The following ST8SIA1 variants were observed in gnomAD, a reference collection of about 807,000 sequenced individuals.
ST8SIA1 encodes ST8 alpha-N-acetyl-neuraminide alpha-2,8-sialyltransferase 1.
Under a neutral mutation model 35.9 loss-of-function variants are expected in ST8SIA1, and 16 were observed. That is an observed-to-expected ratio of 0.45 (90% CI 0.30 to 0.68). ST8SIA1 has a LOEUF of 0.68. Among genes scored for constraint, ST8SIA1 ranks in the 30% least tolerant of loss-of-function variants. The probability of loss-of-function intolerance (pLI) is 0.09; values close to 1 mark genes in which losing one functional copy is unlikely to be tolerated. For synonymous variants in ST8SIA1, 170 were observed against 169.6 expected (o/e 1.00, Z -0.02); for missense variants, 383 against 453.6 (o/e 0.84, Z 1.41).
At chr12:22,277,196 T>C (rs74070108) in intron 2 of ST8SIA1, among the ~76,000 whole-genome samples, 14,094 of 152,100 alleles carry the variant, frequency 0.093, 805 homozygotes, top group East Asian at 0.15. Flanking sequence ...GAGTTTTCTC[T>C]GTGAATGCTG....
chr12:22,269,926 A>G (rs755487026), intron 2 of ST8SIA1, among the ~76,000 whole-genome samples: 1 of 152,212 alleles, frequency 6.6e-6, no homozygotes, highest in African/African-American at 2.4e-5. Context: ...TGTTAGGTTT[A>G]AACAATTTGG....
At chr12:22,267,989 A>G (rs991350123) in intron 2 of ST8SIA1, among the ~76,000 whole-genome samples, 5 of 152,176 alleles carry the variant, frequency 3.3e-5, no homozygotes, top group African/African-American at 1.2e-4. Flanking sequence ...CGTCTCACTA[A>G]GCAGACATTC....
Position 22,334,430 on chromosome 12 carries a change from G to A in ST8SIA1, c.-198C>T. 1.7e-6 allele frequency: 1 copy of A among 597,160 alleles called. No individual in the cohort carries two copies. The highest frequency in any genetic ancestry group is 2.0e-5 in the South Asian group (1 of 49,200). 37.0% of individuals were successfully genotyped at this position (597,160 alleles called of 1,614,324 possible). Reference sequence around the variant, plus strand: ...ATTTTTTCAAATGCAACTTTTCCAAGGATTTCTTTCTAGGGGAAGTGGCTG... The same window carrying A: ...ATTTTTTCAAATGCAACTTTTCCAAAGATTTCTTTCTAGGGGAAGTGGCTG... On this transcript the variant is annotated 5_prime_UTR_variant, in exon 1 of 5. Transcript: ENST00000396037.
intron 3 of ST8SIA1, among the ~76,000 whole-genome samples, chr12:22,249,732 A>T (rs1158220734): frequency 6.6e-6 from 1 of 152,186 alleles, no homozygotes; most frequent in Non-Finnish European, 1.5e-5. Context: ...CATTCAAAAT[A>T]TTTTTGAGAG....
intron 1 of ST8SIA1, among the ~76,000 whole-genome samples, chr12:22,319,167 A>T (rs546565809): frequency 6.6e-6 from 1 of 152,228 alleles, no homozygotes; most frequent in Non-Finnish European, 1.5e-5. Flanking sequence ...TTAAATGATA[A>T]GACTGTGTAG....
chr12:22,221,936 T>C (rs957727171), intron 4 of ST8SIA1, among the ~76,000 whole-genome samples: 3 of 152,148 alleles, frequency 2.0e-5, no homozygotes, highest in Admixed American at 6.6e-5. Context: ...CTCTAAAATA[T>C]GGCTAATACC....
chr12:22,325,453 G>A (rs1178442247), intron 1 of ST8SIA1: 16 of 701,880 alleles, frequency 2.3e-5, no homozygotes, highest in Non-Finnish European at 3.9e-5. Context: ...CTCATGCAAT[G>A]CCACAGCTAG....
chr12:22,332,493 T>C (rs1866780373), intron 1 of ST8SIA1, among the ~76,000 whole-genome samples: 1 of 152,184 alleles, frequency 6.6e-6, no homozygotes, highest in African/African-American at 2.4e-5. Context: ...TGAAAGTGCT[T>C]TCTGTCTTTA....
chr12:22,296,403 G>T, intron 1 of ST8SIA1, among the ~76,000 whole-genome samples: 1 of 152,148 alleles, frequency 6.6e-6, no homozygotes, highest in East Asian at 1.9e-4. Flanking sequence ...AAATCTTCCA[G>T]TGGATGCCTG....
intron 4 of ST8SIA1, among the ~76,000 whole-genome samples, chr12:22,230,040 T>C (rs2120689703): frequency 6.6e-6 from 1 of 152,382 alleles, no homozygotes; most frequent in East Asian, 1.9e-4. Context: ...CGGTAACCAC[T>C]AGTTTCATTC....
At chr12:22,240,966 T>C (rs978373064) in intron 4 of ST8SIA1, among the ~76,000 whole-genome samples, 1 of 149,280 alleles carries the variant, frequency 6.7e-6, no homozygotes, top group African/African-American at 2.5e-5. Context: ...TGTTTCCTAG[T>C]TCATGCCAAC....
intron 1 of ST8SIA1, among the ~76,000 whole-genome samples, chr12:22,307,246 G>A (rs1866397132): frequency 6.6e-6 from 1 of 151,986 alleles, no homozygotes; most frequent in Non-Finnish European, 1.5e-5. Flanking sequence ...CCAAGCGCTG[G>A]GCTTCATCAG....
intron 4 of ST8SIA1, among the ~76,000 whole-genome samples, chr12:22,206,583 T>G (rs1387913272): frequency 6.6e-6 from 1 of 152,192 alleles, no homozygotes. Context: ...CAGTCAGGCT[T>G]GTAGTTCCCA....
intron 4 of ST8SIA1, among the ~76,000 whole-genome samples, chr12:22,209,989 T>C (rs1235615406): frequency 6.6e-6 from 1 of 152,180 alleles, no homozygotes; most frequent in Non-Finnish European, 1.5e-5. Context: ...TAAATATCCA[T>C]GAATGTCTGC....
intron 4 of ST8SIA1, among the ~76,000 whole-genome samples, chr12:22,207,785 A>G (rs1865129502): frequency 6.6e-6 from 1 of 152,190 alleles, no homozygotes; most frequent in African/African-American, 2.4e-5. Flanking sequence ...CTACAGATAG[A>G]AATTCACAAG....
chr12:22,277,659 G>A (rs753749051), intron 2 of ST8SIA1, among the ~76,000 whole-genome samples: 4 of 152,076 alleles, frequency 2.6e-5, no homozygotes, highest in Non-Finnish European at 5.9e-5. Context: ...GAGCCACCGC[G>A]CCTGTCTGTG....
At position 22,284,749 on chromosome 12, in the gene ST8SIA1, T is replaced by G. The variant is rs530218602; in HGVS notation, c.381+2400A>C. ...AAGGATGTTTCCTTGGTCTTGCAAC[T>G]GGCACAAAGAGGCACAGAATTCATT... On this transcript the variant is annotated intron_variant, in intron 2 of 4. Coordinates refer to ENST00000396037, the MANE Select transcript of ST8SIA1 (RefSeq NM_003034.4). Among the ~76,000 whole-genome samples, 6 of 152,360 alleles carry G rather than the reference T, an allele frequency of 3.9e-5. No individual in the cohort carries two copies. In the East Asian group the frequency reaches 9.6e-4, roughly 25 times the overall value.
At chr12:22,297,803 C>T (rs74068551) in intron 1 of ST8SIA1, among the ~76,000 whole-genome samples, 4,097 of 152,110 alleles carry the variant, frequency 0.027, 199 homozygotes, top group African/African-American at 0.093. Context: ...TTAAAATCCT[C>T]GGAAACTCAA....
intron 2 of ST8SIA1, 64 bp from the exon 3 acceptor site, chr12:22,255,453 G>A (rs1226426848): frequency 1.8e-5 from 24 of 1,339,358 alleles, no homozygotes; most frequent in Non-Finnish European, 2.6e-5. Context: ...CAAAATCATT[G>A]TTTACAGCAG....
Sources: allele counts gnomAD v4.1 joint callset (sites outside exome capture counted in the v4.1 genomes callset), GRCh38; gene constraint gnomAD v4.1.1; transcripts MANE v1.5; gene names NCBI Gene and HGNC (gene_info 2026-07-23, HGNC 2026-07-21).